SYCP1: variants seen among roughly 807,000 people sequenced by gnomAD.
SYCP1 encodes synaptonemal complex protein 1, also known as cancer/testis antigen 8.
In SYCP1, 64 loss-of-function variants were observed where a neutral mutation model predicts 153.1. That is an observed-to-expected ratio of 0.42 (90% confidence interval 0.34 to 0.51). The LOEUF is 0.51. Among genes scored for constraint, SYCP1 ranks in the 20% least tolerant of loss-of-function variants. The probability of loss-of-function intolerance (pLI) is 0.06; values close to 1 mark genes in which losing one functional copy is unlikely to be tolerated. For synonymous variants in SYCP1, 384 were observed against 341.8 expected, an observed-to-expected ratio of 1.12 and a Z score of -1.36; for missense variants, 997 against 1,049.0, an observed-to-expected ratio of 0.95 and a Z score of 0.68.
intron 30 of SYCP1, among the ~76,000 whole-genome samples, chr1:114,993,158 A>T (rs1240692161): frequency 6.6e-6 from 1 of 151,616 alleles, no homozygotes; most frequent in Non-Finnish European, 1.5e-5. Context: ...GTAAAATTGT[A>T]ATGATAGTTT....
intron 17 of SYCP1, 43 bp from the exon 18 acceptor site, chr1:114,911,436 A>G (rs1235483009): frequency 5.5e-6 from 8 of 1,464,828 alleles, no homozygotes; most frequent in Non-Finnish European, 6.4e-6. Context: ...AAATGAGAAA[A>G]TTCGAAAAAC....
chr1:114,872,407 A>T (rs1665210998), intron 8 of SYCP1, among the ~76,000 whole-genome samples: 3 of 152,188 alleles, frequency 2.0e-5, no homozygotes, highest in African/African-American at 7.2e-5. Flanking sequence ...AGGAGGAGTC[A>T]GATAGAATCT....
At chr1:114,887,422 T>C (rs191550239) in intron 14 of SYCP1, among the ~76,000 whole-genome samples, 1 of 151,930 alleles carries the variant, frequency 6.6e-6, no homozygotes, top group African/African-American at 2.4e-5. Flanking sequence ...ATAAATGTAA[T>C]ATAGAATTAT....
At chr1:114,895,626 G>A (rs1477122034) in intron 16 of SYCP1, 117 bp downstream of exon 16, 3 of 505,342 alleles carry the variant, frequency 5.9e-6, no homozygotes, top group Admixed American at 8.6e-5. Context: ...CAGCTAAAAT[G>A]TAAAAATTAT....
At chr1:114,908,700 A>C (rs1478926378) in intron 16 of SYCP1, among the ~76,000 whole-genome samples, 1 of 151,706 alleles carries the variant, frequency 6.6e-6, no homozygotes, top group African/African-American at 2.4e-5. Context: ...CTTATTTTCT[A>C]TTTCTTTCCT....
intron 27 of SYCP1, among the ~76,000 whole-genome samples, chr1:114,964,102 A>T (rs917160408): frequency 5.3e-5 from 8 of 151,958 alleles, no homozygotes; most frequent in African/African-American, 1.9e-4. Context: ...TGTGGTTTTG[A>T]TTTGCATTTC....
At chr1:114,959,717 C>T (rs1022967666) in intron 27 of SYCP1, among the ~76,000 whole-genome samples, 4 of 152,028 alleles carry the variant, frequency 2.6e-5, no homozygotes, top group African/African-American at 4.8e-5. Flanking sequence ...CCTTTCCCCA[C>T]ACACCCCCTC....
In SYCP1 at chr1:114,914,010, A is replaced by G. The variant is rs2101684285; in HGVS notation, c.1683A>G (p.Gln561=). The G allele has an allele frequency of 6.3e-7, 1 of 1,577,112 alleles. No homozygotes were observed. Among genetic ancestry groups the G allele is most frequent in the East Asian group, 2.3e-5 (1 of 43,342 alleles). ...AGCAAGAAGAAAGGATGTTGAAACA[A>G]ATAGAAAATCTTCAAGAAACAGAAA... ...NKKQEERMLK[Q]IENLQETETQ... The change falls in exon 20 of 32, where the codon CAA becomes CAG. Residue 561 remains glutamine, a synonymous_variant. Transcript: ENST00000369522.
chr1:114,911,488 C>A lies in SYCP1; in HGVS notation c.1435C>A (p.His479Asn), dbSNP rs994189052. ...GLLQAREKEV[H>N]DLEIQLTAIT... ...TATGTTTATTTTGCAGAAAGAAGTA[C>A]ATGATTTGGAAATACAGTTAACTGC... Residue 479 changes from histidine (H) to asparagine (N), a missense_variant, in exon 18 of 32, where the codon CAT (histidine) becomes AAT (asparagine). Physicochemically the swap from His to Asn is moderately conservative, Grantham distance 68. Around this residue, in one of 2 missense-constraint regions of SYCP1, gnomAD observed 712 missense variants for 682.9 expected, o/e 1.04. Transcript: ENST00000369522. 15 of 1,550,506 alleles carry A rather than the reference C, an allele frequency of 9.7e-6. No individual in the cohort carries two copies. The highest frequency in any genetic ancestry group is 1.3e-5 in the Non-Finnish European group (15 of 1,154,230).
chr1:114,917,621 T>A (rs1668594246), intron 20 of SYCP1, among the ~76,000 whole-genome samples: 1 of 152,154 alleles, frequency 6.6e-6, no homozygotes, highest in Non-Finnish European at 1.5e-5. Flanking sequence ...GTTTCCTTTT[T>A]CTCTGCATCC....
At chr1:114,896,525 T>C (rs1319993346) in intron 16 of SYCP1, among the ~76,000 whole-genome samples, 1 of 152,196 alleles carries the variant, frequency 6.6e-6, no homozygotes, top group Non-Finnish European at 1.5e-5. Flanking sequence ...TTATTTTTGG[T>C]ATTATTATTT....
chr1:114,994,650 T>A, intron 30 of SYCP1, 48 bp from the exon 31 acceptor site: 2 of 1,366,528 alleles, frequency 1.5e-6, no homozygotes, highest in Non-Finnish European at 2.0e-6. Flanking sequence ...AATAATATAA[T>A]ATTAATGATG....
intron 16 of SYCP1, among the ~76,000 whole-genome samples, chr1:114,907,945 G>T (rs1667922370): frequency 1.3e-5 from 2 of 151,976 alleles, no homozygotes; most frequent in Admixed American, 1.3e-4. Context: ...TTTTGCTTTA[G>T]TAGTCATATG....
chr1:114,930,509 T>C (rs1194803871), intron 23 of SYCP1, among the ~76,000 whole-genome samples: 1 of 151,844 alleles, frequency 6.6e-6, no homozygotes, highest in Non-Finnish European at 1.5e-5. Flanking sequence ...ATTAAAAAGA[T>C]AAGAAAGGGG....
Position 114,913,038 on chromosome 1 carries a change from A to G in SYCP1, c.1535A>G (p.Lys512Arg). The G allele has an allele frequency of 6.2e-7, 1 of 1,602,802 alleles. No homozygotes were observed. The highest frequency in any genetic ancestry group is 1.7e-5 in the Admixed American group (1 of 57,884). Residue 512 changes from lysine (K) to arginine (R), a missense_variant, in exon 19 of 32, where the codon AAG (lysine) becomes AGG (arginine). Lys to Arg is a conservative substitution (Grantham distance 26). This residue lies in a region of SYCP1 where 712 missense variants were observed against 682.9 expected (regional missense o/e 1.04). Coordinates refer to ENST00000369522, the MANE Select transcript of SYCP1 (RefSeq NM_003176.4). ...LKTELENEKL[K>R]NTELTSHCNK... Reference sequence around the variant, plus strand: ...CTTTTTTTTTTAAAAAATAGGCTTAAGAATACTGAATTAACTTCACACTGC... The same window carrying G: ...CTTTTTTTTTTAAAAAATAGGCTTAGGAATACTGAATTAACTTCACACTGC...
chr1:114,981,142 C>T (rs1407196257), intron 28 of SYCP1, among the ~76,000 whole-genome samples, 194 bp from the exon 29 acceptor site: 2 of 151,952 alleles, frequency 1.3e-5, no homozygotes, highest in Non-Finnish European at 2.9e-5. Flanking sequence ...ATAACATTTG[C>T]ATCTTAAATG....
chr1:114,910,640 T>A, intron 17 of SYCP1, 139 bp downstream of exon 17: 1 of 510,490 alleles, frequency 2.0e-6, no homozygotes, highest in Non-Finnish European at 3.3e-6. Flanking sequence ...ATTAATATAT[T>A]TATGATTGAT....
At chr1:114,866,754 A>G (rs913745824) in intron 8 of SYCP1, among the ~76,000 whole-genome samples, 4 of 150,680 alleles carry the variant, frequency 2.7e-5, no homozygotes, top group Non-Finnish European at 4.4e-5. Flanking sequence ...CATGGATTGT[A>G]TCTAAAAAAA....
chr1:114,857,973 A>G (rs1664128549), intron 5 of SYCP1, among the ~76,000 whole-genome samples: 1 of 152,042 alleles, frequency 6.6e-6, no homozygotes, highest in Non-Finnish European at 1.5e-5. Flanking sequence ...AGAATTTAAA[A>G]TATATAGAAC....
Sources: gnomAD v4.1 joint callset for allele counts (sites outside exome capture counted in the v4.1 genomes callset) on GRCh38, gnomAD v4.1.1 for gene constraint, gnomAD v4.1.1 regional missense constraint, MANE v1.5 for transcripts, NCBI Gene and HGNC (gene_info 2026-07-23, HGNC 2026-07-21) for gene names.